SATL1: variants seen among roughly 807,000 people sequenced by gnomAD.
The protein encoded by SATL1 is spermidine/spermine N1-acetyl transferase like 1.
In SATL1, 47 loss-of-function variants were observed where a neutral mutation model predicts 51.8. That is an observed-to-expected ratio of 0.91 (90% CI 0.72 to 1.16). The LOEUF (loss-of-function observed/expected upper bound fraction) is 1.16, where lower values mean the gene tolerates loss of function less well. SATL1 is among the 50% of genes most tolerant of loss of function. SATL1 has a pLI of 0.00. For synonymous variants in SATL1, 176 were observed against 182.4 expected, an observed-to-expected ratio of 0.97 and a Z score of 0.28; for missense variants, 520 against 526.4, an observed-to-expected ratio of 0.99 and a Z score of 0.12.
intron 2 of SATL1, among the ~76,000 whole-genome samples, chrX:85,146,328 G>A (rs951260264): frequency 3.6e-5 from 4 of 111,654 alleles, no homozygotes; most frequent in Non-Finnish European, 7.5e-5. Flanking sequence ...AAATAATTAA[G>A]AGTATAATTA....
intron 2 of SATL1, among the ~76,000 whole-genome samples, chrX:85,129,979 C>G: frequency 8.9e-6 from 1 of 111,804 alleles, no homozygotes; most frequent in Non-Finnish European, 1.9e-5. Context: ...AACAGGCGTG[C>G]ATCCTAGGGT....
At chrX:85,141,095 A>G (rs995769331) in intron 2 of SATL1, among the ~76,000 whole-genome samples, 1 of 111,403 alleles carries the variant, frequency 9.0e-6, no homozygotes, top group Non-Finnish European at 1.9e-5. Context: ...GCATCACATC[A>G]TGACACAGCT....
chrX:85,180,338 T>C (rs1927174078), intron 2 of SATL1, among the ~76,000 whole-genome samples: 1 of 110,956 alleles, frequency 9.0e-6, no homozygotes, highest in Non-Finnish European at 1.9e-5. Flanking sequence ...TAGGCACTTC[T>C]GTTATTATGA....
At chrX:85,146,719 C>T (rs956966545) in intron 2 of SATL1, among the ~76,000 whole-genome samples, 3 of 112,289 alleles carry the variant, frequency 2.7e-5, no homozygotes, top group Non-Finnish European at 5.6e-5. Context: ...CTGCAGGAGG[C>T]AATGAAGCAC....
At chrX:85,137,253 C>A (rs1194985133) in intron 2 of SATL1, among the ~76,000 whole-genome samples, 2 of 111,238 alleles carry the variant, frequency 1.8e-5, no homozygotes, top group Non-Finnish European at 3.8e-5. Context: ...TACATCATAA[C>A]CCCAATTTTA....
chrX:85,150,004 CA>C (rs1926378782), intron 2 of SATL1, among the ~76,000 whole-genome samples: 1 of 111,177 alleles, frequency 9.0e-6, no homozygotes, highest in African/African-American at 3.3e-5. Context: ...AAAAACCCTT[CA>C]AAAAATTAAT....
chrX:85,158,504 T>C (rs956756283), intron 2 of SATL1, among the ~76,000 whole-genome samples: 6 of 112,213 alleles, frequency 5.3e-5, no homozygotes. Context: ...GTTCTCATCA[T>C]AAATACCTTT....
chrX:85,197,150 G>A (rs2147747957), intron 2 of SATL1, among the ~76,000 whole-genome samples: 1 of 111,665 alleles, frequency 9.0e-6, no homozygotes, highest in African/African-American at 3.2e-5. Flanking sequence ...AAAAGTAAAA[G>A]GACAAATAAC....
At position 85,107,603 on chromosome X, in the gene SATL1, T is replaced by G; in HGVS notation, c.1366A>C (p.Met456Leu). The change falls in exon 3 of 8, where the codon ATG becomes CTG. Residue 456 changes from methionine to leucine, a missense_variant. By Grantham distance (15) the Met-to-Leu change is conservative. Coordinates refer to ENST00000644105, the MANE Select transcript of SATL1 (RefSeq NM_001367857.2). Reference protein sequence around the residue: ...MSQQVPSQLGMRQPGTSQSSK... With the variant: ...MSQQVPSQLGLRQPGTSQSSK... ...GATTGGCTAGTGCCTGGTTGTCTCA[T>G]GCCTAGTTGGCTGGGGACTTGCTGG... is the stretch of plus-strand genomic sequence containing the variant. 1.6e-6 allele frequency: 2 copies of G among 1,212,448 alleles called. No individual in the cohort carries two copies. The highest frequency in any genetic ancestry group is 2.2e-6 in the Non-Finnish European group (2 of 895,680).
chrX:85,098,010 G>A (rs1924783075), intron 4 of SATL1, among the ~76,000 whole-genome samples: 1 of 111,374 alleles, frequency 9.0e-6, no homozygotes, highest in Non-Finnish European at 1.9e-5. Flanking sequence ...AAAGACTCCT[G>A]CCAAAACACA....
At chrX:85,126,090 G>A (rs150977569) in intron 2 of SATL1, among the ~76,000 whole-genome samples, 2,700 of 110,751 alleles carry the variant, frequency 0.024, 90 homozygotes, top group African/African-American at 0.085. Flanking sequence ...GAGTTAATCT[G>A]AGGATAAATG....
chrX:85,150,233 T>A (rs988784114), intron 2 of SATL1, among the ~76,000 whole-genome samples: 3 of 111,800 alleles, frequency 2.7e-5, no homozygotes, highest in Non-Finnish European at 5.6e-5. Context: ...GATAAATTCC[T>A]CGACACATAC....
intron 2 of SATL1, among the ~76,000 whole-genome samples, chrX:85,183,741 A>G (rs890333402): frequency 5.2e-4 from 58 of 111,761 alleles, no homozygotes; most frequent in Admixed American, 4.7e-4. Context: ...TCACAACAGA[A>G]TAAATCAGGT....
At chrX:85,175,408 C>T (rs1403152835) in intron 2 of SATL1, among the ~76,000 whole-genome samples, 1 of 111,422 alleles carries the variant, frequency 9.0e-6, no homozygotes, top group Admixed American at 9.6e-5. Flanking sequence ...AACTATGACT[C>T]AAAATACAGC....
At chrX:85,098,067 A>G (rs183975922) in intron 4 of SATL1, among the ~76,000 whole-genome samples, 1 of 111,819 alleles carries the variant, frequency 8.9e-6, no homozygotes, top group East Asian at 2.8e-4. Context: ...ACATGATCCA[A>G]GTATATACTG....
chrX:85,240,586 T>C (rs1444862215), intron 1 of SATL1, among the ~76,000 whole-genome samples: 1 of 111,648 alleles, frequency 9.0e-6, no homozygotes, highest in East Asian at 2.8e-4. Flanking sequence ...ATACTGATTT[T>C]TTTTTTCTTT....
rs192229821 is a variant in SATL1 at position 85,114,043 on chromosome X, G to T, written c.-312-4763C>A. On this transcript the variant is annotated intron_variant, in intron 2 of 7. Transcript: ENST00000644105. ...CATTTGATTCCTTAAAAGAAAGTAT[G>T]CTGTTCCAGTCAAAGATTTGGTAAA... 7.1e-5 allele frequency among the ~76,000 whole-genome samples: 8 copies of T among 112,203 alleles called. No homozygotes were observed. In the East Asian group the frequency reaches 2.2e-3, roughly 31 times the overall value.
intron 2 of SATL1, among the ~76,000 whole-genome samples, chrX:85,204,962 ATTC>A (rs2147752427): frequency 8.9e-6 from 1 of 112,201 alleles, no homozygotes; most frequent in South Asian, 3.7e-4. Flanking sequence ...TCTTGTTCTT[ATTC>A]TTCTTATGAG....
At chrX:85,147,620 C>G (rs994634993) in intron 2 of SATL1, among the ~76,000 whole-genome samples, 1 of 111,560 alleles carries the variant, frequency 9.0e-6, no homozygotes, top group Non-Finnish European at 1.9e-5. Flanking sequence ...TCCTCTGAGA[C>G]AAAACTTCCA....
Sources: allele counts gnomAD v4.1 joint callset (sites outside exome capture counted in the v4.1 genomes callset), GRCh38; gene constraint gnomAD v4.1.1; transcripts MANE v1.5; gene names NCBI Gene and HGNC (gene_info 2026-07-23, HGNC 2026-07-21).